BICC1: variants seen among roughly 807,000 people sequenced by gnomAD.
The protein encoded by BICC1 is BicC family RNA binding protein 1, also known as protein bicaudal C homolog 1.
In BICC1, 43 loss-of-function variants were observed where a neutral mutation model predicts 111.0. The observed-to-expected ratio is 0.39, with a 90% CI of 0.30 to 0.50. The LOEUF is 0.50. BICC1 is among the 20% of genes least tolerant of loss of function. The pLI is 0.88. For synonymous variants in BICC1, 467 were observed against 434.4 expected (o/e 1.07, Z -0.93); for missense variants, 1,091 against 1,203.2 (o/e 0.91, Z 1.38).
At chr10:58,689,406 A>C (rs923311821) in intron 2 of BICC1, among the ~76,000 whole-genome samples, 3 of 152,202 alleles carry the variant, frequency 2.0e-5, no homozygotes, top group Non-Finnish European at 4.4e-5. Flanking sequence ...TCCCTTTTAG[A>C]TAATCAGGTT....
intron 3 of BICC1, among the ~76,000 whole-genome samples, chr10:58,722,691 G>A (rs973427720): frequency 6.6e-6 from 1 of 152,168 alleles, no homozygotes; most frequent in Non-Finnish European, 1.5e-5. Context: ...AAAGGAAGAA[G>A]TAGCAACTAA....
intron 1 of BICC1, among the ~76,000 whole-genome samples, chr10:58,578,250 AT>A (rs1180828247): frequency 6.6e-6 from 1 of 151,902 alleles, no homozygotes; most frequent in Non-Finnish European, 1.5e-5. Context: ...ACTTTTGATC[AT>A]TTTTTCCTCT....
intron 2 of BICC1, among the ~76,000 whole-genome samples, chr10:58,674,644 A>G (rs1340280799): frequency 1.3e-5 from 2 of 152,186 alleles, no homozygotes; most frequent in Admixed American, 1.3e-4. Flanking sequence ...AATACATCAT[A>G]ACTATCATAA....
chr10:58,546,996 G>C lies in BICC1; in HGVS notation c.190+33663G>C, dbSNP rs1279887068. On this transcript the variant is annotated intron_variant, in intron 1 of 20. Coordinates refer to ENST00000373886, the MANE Select transcript of BICC1 (RefSeq NM_001080512.3). The stretch of plus-strand genomic sequence containing the variant: ...TGGTAAGATTTTGTCATTCATTCCA[G>C]TAGATACTTTTAAGCAACCTTTTTA... 3.9e-5 allele frequency among the ~76,000 whole-genome samples: 6 copies of C among 152,108 alleles called. No individual in the cohort carries two copies. In the East Asian group the frequency reaches 1.2e-3, roughly 29 times the overall value.
In BICC1 at chr10:58,716,290, A is replaced by G. The variant is rs574419056; in HGVS notation, c.307+14147A>G. ...AGTTCAAGTCCTGACTCACCATAAC[A>G]TTAAGAAAAATCAGGATTCCCTTAT... On this transcript the variant is annotated intron_variant, in intron 3 of 20. Transcript: ENST00000373886. 20 of 1,482,534 alleles carry G rather than the reference A, an allele frequency of 1.3e-5. 1 individual carries two copies. In the East Asian group the frequency reaches 2.3e-4, roughly 17 times the overall value. The allele number at this position is 1,482,534 out of a possible 1,614,324, so 91.8% of individuals were successfully genotyped here. A position where few individuals can be genotyped will look rare whatever the true frequency, so the allele number is the denominator to read the frequency against.
intron 3 of BICC1, among the ~76,000 whole-genome samples, chr10:58,746,148 A>G (rs1841831560): frequency 1.3e-5 from 2 of 152,122 alleles, no homozygotes; most frequent in African/African-American, 2.4e-5. Flanking sequence ...TGCTAAAAGC[A>G]GTTATAACGA....
chr10:58,776,854 G>C (rs1269597814), intron 3 of BICC1, among the ~76,000 whole-genome samples: 1 of 151,952 alleles, frequency 6.6e-6, no homozygotes, highest in East Asian at 1.9e-4. Context: ...CTGGAATATA[G>C]AGCTCAGATG....
chr10:58,765,309 G>A (rs1211302822), intron 3 of BICC1, among the ~76,000 whole-genome samples: 1 of 59,202 alleles, frequency 1.7e-5, no homozygotes, highest in Non-Finnish European at 3.7e-5. Context: ...ACCCACCTCA[G>A]CCTCCCAAAA....
intron 3 of BICC1, among the ~76,000 whole-genome samples, chr10:58,718,773 CGCGTGCGCGCGT>C (rs1314997147): frequency 1.4e-5 from 1 of 73,266 alleles, no homozygotes; most frequent in African/African-American, 6.5e-5. Context: ...TGTGCGCGCG[CGCGTGCGCGCGT>C]GCGCACGCCC....
chr10:58,767,699 A>G (rs1425291791), intron 3 of BICC1, among the ~76,000 whole-genome samples: 1 of 152,158 alleles, frequency 6.6e-6, no homozygotes, highest in Non-Finnish European at 1.5e-5. Context: ...ATCAGTGTAA[A>G]TCTAAATAAA....
At chr10:58,557,959 A>T (rs1843499398) in intron 1 of BICC1, among the ~76,000 whole-genome samples, 1 of 152,018 alleles carries the variant, frequency 6.6e-6, no homozygotes, top group South Asian at 2.1e-4. Flanking sequence ...TTGTTAAGGG[A>T]TACAGTTAAA....
chr10:58,756,313 A>G (rs544944089), intron 3 of BICC1, among the ~76,000 whole-genome samples: 2 of 152,244 alleles, frequency 1.3e-5, no homozygotes, highest in Admixed American at 6.5e-5. Flanking sequence ...TAGAGAAACC[A>G]CAAGCATTCC....
At chr10:58,705,332 C>T (rs1206155930) in intron 3 of BICC1, among the ~76,000 whole-genome samples, 3 of 152,188 alleles carry the variant, frequency 2.0e-5, no homozygotes, top group African/African-American at 7.2e-5. Context: ...CTTCTACAGT[C>T]GCTTCTGGAT....
intron 1 of BICC1, among the ~76,000 whole-genome samples, chr10:58,613,157 C>T (rs906757080): frequency 6.6e-6 from 1 of 152,138 alleles, no homozygotes; most frequent in Non-Finnish European, 1.5e-5. Context: ...CAGCCAGCCA[C>T]GTTTCAGTAG....
chr10:58,705,425 G>A (rs749849428), intron 3 of BICC1, among the ~76,000 whole-genome samples: 4 of 152,106 alleles, frequency 2.6e-5, no homozygotes, highest in Non-Finnish European at 5.9e-5. Context: ...GTCAGTTAAT[G>A]TGGATTAGTT....
intron 2 of BICC1, among the ~76,000 whole-genome samples, chr10:58,622,439 A>G (rs117911087): frequency 1.3e-5 from 2 of 152,320 alleles, no homozygotes; most frequent in Non-Finnish European, 2.9e-5. Context: ...GTTTGCAGAG[A>G]CATATATACA....
chr10:58,641,523 A>C (rs1404666999), intron 2 of BICC1, among the ~76,000 whole-genome samples: 1 of 151,988 alleles, frequency 6.6e-6, no homozygotes, highest in Non-Finnish European at 1.5e-5. Context: ...CATTTCAAGC[A>C]ATGAAAATAG....
intron 1 of BICC1, among the ~76,000 whole-genome samples, chr10:58,586,507 A>G (rs375391393): frequency 1.4e-5 from 2 of 144,744 alleles, no homozygotes; most frequent in African/African-American, 2.5e-5. Flanking sequence ...TGGCTGAGGC[A>G]CGAGAATCAC....
intron 2 of BICC1, among the ~76,000 whole-genome samples, chr10:58,670,804 A>G (rs1839160411): frequency 6.6e-6 from 1 of 152,194 alleles, no homozygotes. Context: ...CCAGGTGTCC[A>G]TAGAGTGGAT....
Sources: gnomAD v4.1 joint callset for allele counts (sites outside exome capture counted in the v4.1 genomes callset) on GRCh38, gnomAD v4.1.1 for gene constraint, MANE v1.5 for transcripts, NCBI Gene and HGNC (gene_info 2026-07-23, HGNC 2026-07-21) for gene names.